Variants in PCDH7 observed in about 807,000 individuals in gnomAD.
PCDH7 encodes protocadherin-7.
PCDH7 carries 17 observed loss-of-function variants against 58.9 expected under a neutral mutation model. The ratio of observed to expected loss-of-function variants is 0.29; its 90% CI spans 0.20 to 0.43. The LOEUF is 0.43. Among genes scored for constraint, PCDH7 ranks in the 20% least tolerant of loss-of-function variants. The probability of loss-of-function intolerance (pLI) is 1.00; values close to 1 mark genes in which losing one functional copy is unlikely to be tolerated. For synonymous variants in PCDH7, 664 were observed against 616.4 expected, an observed-to-expected ratio of 1.08 and a Z score of -1.14; for missense variants, 1,274 against 1,441.0, an observed-to-expected ratio of 0.88 and a Z score of 1.88.
intron 3 of PCDH7, among the ~76,000 whole-genome samples, chr4:31,085,038 C>T (rs553808607): frequency 2.6e-5 from 4 of 152,218 alleles, no homozygotes; most frequent in Admixed American, 2.6e-4. Context: ...GAGTAATTCA[C>T]GCAGAGCCAG....
At chr4:31,005,541 A>G (rs1031559055) in intron 3 of PCDH7, among the ~76,000 whole-genome samples, 4 of 152,232 alleles carry the variant, frequency 2.6e-5, no homozygotes, top group African/African-American at 7.2e-5. Flanking sequence ...TGATTTGCCA[A>G]TGTGTTCCCT....
At chr4:30,735,414 C>G (rs1716109885), downstream of PCDH7, among the ~76,000 whole-genome samples, 1 of 152,120 alleles carries the variant, frequency 6.6e-6, no homozygotes, top group South Asian at 2.1e-4. Flanking sequence ...TTGAGAGCAA[C>G]GGGCAGTGAT....
intron 1 of PCDH7, among the ~76,000 whole-genome samples, chr4:30,794,455 G>A (rs1175297666): frequency 1.3e-5 from 2 of 152,056 alleles, no homozygotes; most frequent in Admixed American, 6.6e-5. Flanking sequence ...CTTAAAAATT[G>A]TTCCATAGCC....
intron 3 of PCDH7, among the ~76,000 whole-genome samples, chr4:31,044,273 A>G (rs1344029747): frequency 6.6e-6 from 1 of 152,104 alleles, no homozygotes. Context: ...GGATTTTTAT[A>G]CAAACTGTGC....
intron 3 of PCDH7, among the ~76,000 whole-genome samples, chr4:31,141,465 TC>T (rs1431225495): frequency 1.2e-4 from 18 of 152,234 alleles, no homozygotes; most frequent in Non-Finnish European, 7.3e-5. Flanking sequence ...AACAGGCTTT[TC>T]TCTCTCCCAT....
chr4:31,036,300 C>T (rs1237643250), intron 3 of PCDH7, among the ~76,000 whole-genome samples: 1 of 152,132 alleles, frequency 6.6e-6, no homozygotes, highest in African/African-American at 2.4e-5. Flanking sequence ...ATTTTCCTGC[C>T]TCAGCCTCCT....
intron 3 of PCDH7, among the ~76,000 whole-genome samples, chr4:31,038,226 G>A (rs1156971166): frequency 6.6e-6 from 1 of 152,206 alleles, no homozygotes; most frequent in East Asian, 1.9e-4. Context: ...CTAGATCAGT[G>A]TTTAAGATTT....
At chr4:30,972,187 AATG>A (rs1749650547) in intron 3 of PCDH7, among the ~76,000 whole-genome samples, 1 of 152,186 alleles carries the variant, frequency 6.6e-6, no homozygotes, top group African/African-American at 2.4e-5. Flanking sequence ...TTATTATGGA[AATG>A]ATGAGTGCTC....
At chr4:30,980,170 C>T (rs1487004544) in intron 3 of PCDH7, among the ~76,000 whole-genome samples, 3 of 152,144 alleles carry the variant, frequency 2.0e-5, no homozygotes, top group African/African-American at 4.8e-5. Flanking sequence ...ATTCACTTCA[C>T]GTATTACAAA....
chr4:30,724,063 G>T, exon 1 of PCDH7: 1 of 1,614,044 alleles, frequency 6.2e-7, no homozygotes, highest in Non-Finnish European at 8.5e-7. Flanking sequence ...ACTCAGTATT[G>T]TCATTGGCGT....
intron 3 of PCDH7, among the ~76,000 whole-genome samples, chr4:31,047,041 A>C (rs759333299): frequency 6.6e-6 from 1 of 152,032 alleles, no homozygotes; most frequent in South Asian, 2.1e-4. Context: ...GATAGATTTG[A>C]GTAGTTAAGT....
At chr4:31,032,523 G>A (rs61794076) in intron 3 of PCDH7, among the ~76,000 whole-genome samples, 17,764 of 150,372 alleles carry the variant, frequency 0.12, 1,393 homozygotes, top group Middle Eastern at 0.19. Context: ...CACAAGAATC[G>A]TTTGAATCCA....
At chr4:31,045,130 G>T (rs982877082) in intron 3 of PCDH7, among the ~76,000 whole-genome samples, 7 of 151,994 alleles carry the variant, frequency 4.6e-5, no homozygotes, top group Non-Finnish European at 2.9e-5. Context: ...GCATGGTGGT[G>T]ACACAGAAAT....
chr4:31,055,402 C>T (rs1234637477), intron 3 of PCDH7, among the ~76,000 whole-genome samples: 1 of 151,958 alleles, frequency 6.6e-6, no homozygotes, highest in Non-Finnish European at 1.5e-5. Context: ...TGCATTTTGG[C>T]ATCTACAAAA....
intron 3 of PCDH7, among the ~76,000 whole-genome samples, chr4:31,063,156 C>A (rs1454579053): frequency 6.6e-6 from 1 of 151,772 alleles, no homozygotes; most frequent in Non-Finnish European, 1.5e-5. Context: ...CCAGATAGAT[C>A]TATTATTATT....
At chr4:31,046,710 T>C (rs530498691) in intron 3 of PCDH7, among the ~76,000 whole-genome samples, 1 of 152,184 alleles carries the variant, frequency 6.6e-6, no homozygotes, top group Admixed American at 6.6e-5. Context: ...AGAGGCCGAA[T>C]CTATTGAGTT....
In PCDH7 at chr4:30,721,997, G is replaced by T; in HGVS notation, c.575G>T (p.Gly192Val). 1.6e-6 allele frequency: 2 copies of T among 1,286,700 alleles called. No homozygotes were observed. Among genetic ancestry groups the T allele is most frequent in the Non-Finnish European group, 2.0e-6 (2 of 1,019,648 alleles). The allele number at this position is 1,286,700 out of a possible 1,614,324, so 79.7% of individuals were successfully genotyped here. A position where few individuals can be genotyped will look rare whatever the true frequency, so the allele number is the denominator to read the frequency against. ...CAGGAGCCCGGAGGCGGCGGCAGCG[G>T]CGGCGAGAGCCGGCGCGCCGGGGCG... Residue 192 changes from glycine to valine, a missense_variant, in exon 1 of 2, where the codon GGC (glycine) becomes GTC (valine). This residue lies in a region of PCDH7 where 331 missense variants were observed against 303.2 expected (regional missense o/e 1.09). Coordinates refer to ENST00000361762, the Ensembl canonical transcript of PCDH7. This position sits in a 1 kb window ranked among gnomAD's most constrained non-coding sequence, Gnocchi z 6.7.
rs114055566 is a variant in PCDH7 at position 31,092,155 on chromosome 4, A to G, written c.*8-50318A>G. Among the ~76,000 whole-genome samples, 898 of 152,178 alleles carry G rather than the reference A, an allele frequency of 5.9e-3. 6 individuals are homozygous for G. Among genetic ancestry groups the G allele is most frequent in the Non-Finnish European group, 9.2e-3 (625 of 67,934 alleles). On this transcript the variant is annotated intron_variant, in intron 3 of 3. Coordinates refer to the PCDH7 transcript ENST00000509759. ...TGAATAAGAAAAGTAATCAACAAAT[A>G]TTTTCTATATATACATAGTCTAAAA...
chr4:31,119,195 A>G (rs1299790453), intron 3 of PCDH7, among the ~76,000 whole-genome samples: 1 of 152,174 alleles, frequency 6.6e-6, no homozygotes, highest in Non-Finnish European at 1.5e-5. Context: ...TTTCATGCCA[A>G]TGAAGTAATA....
Sources: gnomAD v4.1 joint callset for allele counts (sites outside exome capture counted in the v4.1 genomes callset) on GRCh38, gnomAD v4.1.1 for gene constraint, gnomAD v4.1.1 regional missense constraint, Gnocchi (gnomAD v3.1) non-coding constraint, MANE v1.5 for transcripts, NCBI Gene and HGNC (gene_info 2026-07-23, HGNC 2026-07-21) for gene names.